LRRC43: variants seen among roughly 807,000 people sequenced by gnomAD.
LRRC43 encodes leucine rich repeat containing 43, also known as leucine-rich repeat-containing protein 43.
Under a neutral mutation model 64.3 loss-of-function variants are expected in LRRC43, and 62 were observed. The ratio of observed to expected loss-of-function variants is 0.96; its 90% confidence interval spans 0.79 to 1.19. LRRC43 has a LOEUF of 1.19. Among genes scored for constraint, LRRC43 ranks in the 50% most tolerant of loss-of-function variants. The pLI, the probability that LRRC43 is intolerant of heterozygous loss-of-function variation, is 0.00. For missense variants in LRRC43, 868 were observed against 845.0 expected, an observed-to-expected ratio of 1.03 and a Z score of -0.34; for synonymous variants, 422 against 382.3, an observed-to-expected ratio of 1.10 and a Z score of -1.21.
chr12:122,194,896 T>C (rs1429683964), intron 7 of LRRC43, among the ~76,000 whole-genome samples: 1 of 152,230 alleles, frequency 6.6e-6, no homozygotes, highest in African/African-American at 2.4e-5. Flanking sequence ...TGTTGTCTTA[T>C]GCTATTGCAT....
chr12:122,189,254 G>A (rs747073001), intron 4 of LRRC43, among the ~76,000 whole-genome samples: 35 of 152,146 alleles, frequency 2.3e-4, no homozygotes, highest in Non-Finnish European at 4.0e-4. Flanking sequence ...GGAAGGGGTA[G>A]AACCACCTCC....
upstream of LRRC43, among the ~76,000 whole-genome samples, chr12:122,181,836 C>T (rs1385552941): frequency 6.6e-6 from 1 of 151,220 alleles, no homozygotes; most frequent in Admixed American, 6.6e-5. Flanking sequence ...GAACTCCTGA[C>T]CTCAGGTGAT....
chr12:122,179,441 T>C (rs1297813484), upstream of LRRC43, among the ~76,000 whole-genome samples: 1 of 152,134 alleles, frequency 6.6e-6, no homozygotes, highest in Non-Finnish European at 1.5e-5. Context: ...GGAAGTGTTA[T>C]GGATGCTCAG....
chr12:122,178,667 C>T (rs919673271), upstream of LRRC43, among the ~76,000 whole-genome samples: 2 of 146,062 alleles, frequency 1.4e-5, no homozygotes, highest in African/African-American at 5.0e-5. Flanking sequence ...TCTCGGCTCA[C>T]CACAACCTCT....
intron 7 of LRRC43, among the ~76,000 whole-genome samples, chr12:122,199,358 C>T (rs982878309): frequency 1.3e-5 from 2 of 148,280 alleles, no homozygotes; most frequent in East Asian, 2.0e-4. Flanking sequence ...TCTCAGCTCA[C>T]TGCAACCTCC....
chr12:122,173,046 G>A (rs1951696010), intron 1 of LRRC43, among the ~76,000 whole-genome samples: 1 of 152,078 alleles, frequency 6.6e-6, no homozygotes. Context: ...GCCTTCCATG[G>A]CAGCTCCCCG....
intron 2 of LRRC43, among the ~76,000 whole-genome samples, chr12:122,185,898 G>C (rs1247690570): frequency 1.3e-5 from 2 of 152,224 alleles, no homozygotes; most frequent in Non-Finnish European, 2.9e-5. Flanking sequence ...GGGGTAGACA[G>C]AAAGGAGAGA....
At chr12:122,199,751 T>C (rs574808678) in intron 7 of LRRC43, among the ~76,000 whole-genome samples, 3 of 152,154 alleles carry the variant, frequency 2.0e-5, no homozygotes, top group South Asian at 2.1e-4. Flanking sequence ...GCCCAGCTAA[T>C]GTTTGTATTT....
intron 5 of LRRC43, among the ~76,000 whole-genome samples, chr12:122,191,112 G>A (rs759074204): frequency 6.6e-6 from 1 of 152,156 alleles, no homozygotes; most frequent in South Asian, 2.1e-4. Flanking sequence ...TCACTGTGAC[G>A]TGCTAGATAA....
upstream of LRRC43, among the ~76,000 whole-genome samples, chr12:122,182,229 A>G (rs1232799206): frequency 6.6e-6 from 1 of 151,936 alleles, no homozygotes; most frequent in Non-Finnish European, 1.5e-5. Context: ...CTCTACTAAA[A>G]TACAAAAAAT....
chr12:122,174,277 G>T, intron 1 of LRRC43: 1 of 1,343,730 alleles, frequency 7.4e-7, no homozygotes, highest in Non-Finnish European at 1.1e-6. Flanking sequence ...AGAAAGAGCA[G>T]TCAGCGTCCC....
chr12:122,201,255 C>T, intron 10 of LRRC43, 41 bp from the exon 11 acceptor site: 1 of 1,609,002 alleles, frequency 6.2e-7, no homozygotes, highest in South Asian at 1.1e-5. Flanking sequence ...TAGTACCTCC[C>T]CTCTCCAGTA....
chr12:122,185,403 G>C (rs905312906), intron 2 of LRRC43, among the ~76,000 whole-genome samples: 2 of 152,180 alleles, frequency 1.3e-5, no homozygotes, highest in African/African-American at 4.8e-5. Flanking sequence ...GAGGTGGGGA[G>C]GTAGAGGCTG....
intron 4 of LRRC43, among the ~76,000 whole-genome samples, chr12:122,188,748 G>T (rs562895706): frequency 2.0e-5 from 3 of 152,254 alleles, no homozygotes; most frequent in South Asian, 2.1e-4. Flanking sequence ...GCCTGGTGCC[G>T]TATTTTAGAG....
intron 4 of LRRC43, among the ~76,000 whole-genome samples, chr12:122,188,430 T>A (rs1026121214): frequency 2.0e-5 from 3 of 151,320 alleles, no homozygotes; most frequent in Admixed American, 2.0e-4. Flanking sequence ...TTAATTTTTT[T>A]ATTTTAATTT....
At chr12:122,174,699 A>C (rs1953521634) in intron 1 of LRRC43, among the ~76,000 whole-genome samples, 1 of 152,030 alleles carries the variant, frequency 6.6e-6, no homozygotes, top group Non-Finnish European at 1.5e-5. Flanking sequence ...AACTGCTGTG[A>C]ATGTGGCGGG....
At chr12:122,201,394 G>C in intron 11 of LRRC43, 65 bp downstream of exon 11, 1 of 1,500,258 alleles carries the variant, frequency 6.7e-7, no homozygotes, top group African/African-American at 1.4e-5. Flanking sequence ...GGCCAGCCCT[G>C]GGGGAGGCCA....
chr12:122,174,055 C>A (rs887586398), intron 1 of LRRC43: 4 of 1,612,624 alleles, frequency 2.5e-6, no homozygotes, highest in Admixed American at 1.7e-5. Flanking sequence ...TGGCTCCATC[C>A]CTGCAGCCCT....
intron 5 of LRRC43, 54 bp from the exon 6 acceptor site, chr12:122,191,326 A>G (rs953737829): frequency 1.4e-5 from 21 of 1,500,796 alleles, no homozygotes; most frequent in Middle Eastern, 2.4e-4. Context: ...CTTGCTTTCT[A>G]TCTGCCAACT....
Sources: gnomAD v4.1 joint callset for allele counts (sites outside exome capture counted in the v4.1 genomes callset) on GRCh38, gnomAD v4.1.1 for gene constraint, MANE v1.5 for transcripts, NCBI Gene and HGNC (gene_info 2026-07-23, HGNC 2026-07-21) for gene names.